Variants in TRIM29 observed in about 807,000 individuals in gnomAD.
The protein encoded by TRIM29 is tripartite motif-containing protein 29.
TRIM29 carries 52 observed loss-of-function variants against 57.3 expected under a neutral mutation model. The observed-to-expected ratio is 0.91, with a 90% CI of 0.73 to 1.14. The LOEUF (loss-of-function observed/expected upper bound fraction) is 1.14. Among genes scored for constraint, TRIM29 ranks in the 50% most tolerant of loss-of-function variants. The probability of loss-of-function intolerance (pLI) is 0.00; values close to 1 mark genes in which losing one functional copy is unlikely to be tolerated. For synonymous variants in TRIM29, 319 were observed against 316.9 expected (o/e 1.01, Z -0.07); for missense variants, 753 against 774.6 (o/e 0.97, Z 0.33).
At chr11:120,136,799 AAAAAAT>A (rs1306528425) in intron 1 of TRIM29, among the ~76,000 whole-genome samples, 1 of 152,140 alleles carries the variant, frequency 6.6e-6, no homozygotes, top group Non-Finnish European at 1.5e-5. Flanking sequence ...CAAAAAAAAA[AAAAAAT>A]AAAAGAAGAA....
chr11:120,114,508 G>A (rs1304812262), intron 8 of TRIM29, among the ~76,000 whole-genome samples: 1 of 152,206 alleles, frequency 6.6e-6, no homozygotes, highest in East Asian at 1.9e-4. Context: ...CTCCGGCCCT[G>A]GTTCCAGCAG....
intron 1 of TRIM29, among the ~76,000 whole-genome samples, chr11:120,136,480 C>T (rs74908168): frequency 0.014 from 2,190 of 152,278 alleles, 95 homozygotes; most frequent in East Asian, 0.13. Flanking sequence ...ACACGCCATC[C>T]ACACACAAAC....
At chr11:120,121,207 C>A (rs532129726) in intron 5 of TRIM29, among the ~76,000 whole-genome samples, 3 of 152,304 alleles carry the variant, frequency 2.0e-5, no homozygotes, top group Admixed American at 6.5e-5. Context: ...TGACACCACA[C>A]CCCCATTTCC....
chr11:120,123,570 A>G, intron 4 of TRIM29: 1 of 410,940 alleles, frequency 2.4e-6, no homozygotes, highest in Non-Finnish European at 4.9e-6. Flanking sequence ...GTTGGCCTCC[A>G]TGGCCCAGGG....
At chr11:120,120,919 G>A (rs1020131441) in intron 5 of TRIM29, 6 of 579,466 alleles carry the variant, frequency 1.0e-5, no homozygotes, top group African/African-American at 7.4e-5. Flanking sequence ...CACGAGGGCA[G>A]AAGCAGTAGG....
chr11:120,127,212 G>A, intron 3 of TRIM29, 124 bp downstream of exon 3: 2 of 768,288 alleles, frequency 2.6e-6, no homozygotes, highest in Non-Finnish European at 4.2e-6. Context: ...ATGGCTGGAT[G>A]GTGGATGAAC....
chr11:120,132,155 C>T (rs1197630168), intron 1 of TRIM29, among the ~76,000 whole-genome samples: 2 of 151,454 alleles, frequency 1.3e-5, no homozygotes, highest in Middle Eastern at 3.2e-3. Flanking sequence ...TGGCCTAAGC[C>T]CTCCCATGCT....
At chr11:120,123,347 A>G in intron 4 of TRIM29, 1 of 592,840 alleles carries the variant, frequency 1.7e-6, no homozygotes, top group Non-Finnish European at 3.2e-6. Flanking sequence ...ACAAGGTGCT[A>G]TTAATGCCCA....
intron 8 of TRIM29, chr11:120,113,613 C>T (rs1242616537): frequency 2.2e-6 from 1 of 456,088 alleles, no homozygotes; most frequent in African/African-American, 2.0e-5. Context: ...TTTGTGTGGT[C>T]CACAGCAGGA....
chr11:120,121,344 G>A (rs548221978), intron 5 of TRIM29: 1 of 162,272 alleles, frequency 6.2e-6, no homozygotes, highest in African/African-American at 2.4e-5. Context: ...AGGAGTCACA[G>A]CCACTGTCAA....
chr11:120,115,262 G>C (rs772212115), intron 8 of TRIM29, 76 bp downstream of exon 8: 11 of 1,439,904 alleles, frequency 7.6e-6, no homozygotes, highest in Non-Finnish European at 1.1e-5. Flanking sequence ...CCCTGGAACC[G>C]ATTGCCTCCA....
In TRIM29 at chr11:120,137,760, G is replaced by C. The variant is rs1670195; in HGVS notation, c.272C>G (p.Ser91Cys). ...QFVESGDDKN[S>C]NYFSMDSMEG... ...CATAGAGTCCATGCTGAAGTAGTTG[G>C]AGTTCTTGTCGTCCCCGGACTCGAC... Residue 91 changes from serine (S) to cysteine (C), a missense_variant, in exon 1 of 9, where the codon TCC (serine) becomes TGC (cysteine). By Grantham distance (112) the Ser-to-Cys change is moderately radical. Transcript: ENST00000341846. The surrounding 1 kb of genome is among the most constrained non-coding windows in gnomAD (Gnocchi z 6.2). 21,659 of 1,612,294 alleles carry C rather than the reference G, an allele frequency of 0.013. 221 individuals carry two copies. Among genetic ancestry groups the C allele is most frequent in the Non-Finnish European group, 0.017 (19,745 of 1,180,024 alleles).
chr11:120,112,425 C>T lies in TRIM29; in HGVS notation c.1756G>A (p.Glu586Lys), dbSNP rs140056284. Reference sequence around the variant, plus strand: ...CTTCCGCCAGGAGCTCATGGGGCTTCGTTGGACCCAATCCCGTTGCCTTTG... The same window carrying T: ...CTTCCGCCAGGAGCTCATGGGGCTTTGTTGGACCCAATCCCGTTGCCTTTG... ...VNKGNGIGSNEAP is the reference protein window; with the variant it reads ...VNKGNGIGSNKAP Residue 586 changes from glutamate (E) to lysine (K), a missense_variant, in exon 9 of 9, where the codon GAA becomes AAA. Physicochemically the swap from Glu to Lys is moderately conservative, Grantham distance 56. Coordinates refer to ENST00000341846, the MANE Select transcript of TRIM29 (RefSeq NM_012101.4). 97 of 1,613,384 alleles carry T rather than the reference C, an allele frequency of 6.0e-5. No individual in the cohort carries two copies. Among genetic ancestry groups the T allele is most frequent in the Non-Finnish European group, 7.3e-5 (86 of 1,179,758 alleles).
rs768236172 is a variant in TRIM29, at chr11:120,112,433, C to A, written c.1748G>T (p.Gly583Val). 2.5e-6 allele frequency: 4 copies of A among 1,613,330 alleles called. No homozygotes were observed. The highest frequency in any genetic ancestry group is 2.7e-5 in the African/African-American group (2 of 74,854). Residue 583 changes from glycine to valine, a missense_variant, in exon 9 of 9, where the codon GGG becomes GTG. Coordinates refer to ENST00000341846, the MANE Select transcript of TRIM29 (RefSeq NM_012101.4). ...AGGAGCTCATGGGGCTTCGTTGGAC[C>A]CAATCCCGTTGCCTTTGTTGACGTA... ...PFYVNKGNGI[G>V]SNEAP
At chr11:120,113,680 G>A (rs1863195595) in intron 8 of TRIM29, 1 of 456,140 alleles carries the variant, frequency 2.2e-6, no homozygotes, top group Non-Finnish European at 4.4e-6. Flanking sequence ...AAGAAACTGA[G>A]ACCCAGGGAG....
intron 1 of TRIM29, among the ~76,000 whole-genome samples, chr11:120,133,865 A>G (rs1002312209): frequency 2.6e-5 from 4 of 152,136 alleles, no homozygotes; most frequent in Admixed American, 6.5e-5. Context: ...AAGCCTCTCC[A>G]AAGCAATGCT....
Position 120,115,390 on chromosome 11 carries a change from T to C in TRIM29, c.1652A>G (p.Gln551Arg). The C allele has an allele frequency of 6.2e-7, 1 of 1,613,924 alleles. No individual in the cohort carries two copies. Among genetic ancestry groups the C allele is most frequent in the Non-Finnish European group, 8.5e-7 (1 of 1,179,942 alleles). ...AGTCTGGGGCTGGGCCTTGGGGCTT[T>C]GGCTCCGCATGAGGGAGGGATAGCC... is the stretch of plus-strand genomic sequence containing the variant. ...LKGYPSLMRS[Q>R]SPKAQPQTWK... The change falls in exon 8 of 9, where the codon CAA becomes CGA. Residue 551 changes from glutamine to arginine, a missense_variant. Coordinates refer to ENST00000341846, the MANE Select transcript of TRIM29 (RefSeq NM_012101.4).
intron 1 of TRIM29, among the ~76,000 whole-genome samples, chr11:120,129,989 T>C: frequency 6.6e-6 from 1 of 152,178 alleles, no homozygotes; most frequent in African/African-American, 2.4e-5. Flanking sequence ...GCCCCATCTC[T>C]GGAAAAAAGT....
Position 120,112,298 on chromosome 11 carries a change from G to C in TRIM29, c.*116C>G. On this transcript the variant is annotated 3_prime_UTR_variant, in exon 9 of 9. Transcript: ENST00000341846. Reference sequence around the variant, plus strand: ...AGAGGCTGGCAGAGGGCTGCAGAGGGCAGGTGCAGGACCAGGCTCCCTCCC... The same window carrying C: ...AGAGGCTGGCAGAGGGCTGCAGAGGCCAGGTGCAGGACCAGGCTCCCTCCC... 8.0e-7 allele frequency: 1 copy of C among 1,249,816 alleles called. No individual in the cohort carries two copies. The highest frequency in any genetic ancestry group is 1.5e-5 in the African/African-American group (1 of 66,420). 77.4% of individuals were successfully genotyped at this position (1,249,816 alleles called of 1,614,324 possible).
Sources: allele counts gnomAD v4.1 joint callset (sites outside exome capture counted in the v4.1 genomes callset), GRCh38; gene constraint gnomAD v4.1.1; non-coding constraint Gnocchi (gnomAD v3.1); transcripts MANE v1.5; gene names NCBI Gene and HGNC (gene_info 2026-07-23, HGNC 2026-07-21).